Variants in CRB1 observed in about 807,000 individuals in gnomAD.
CRB1 encodes the protein crumbs cell polarity complex component 1, also known as protein crumbs homolog 1.
Under a neutral mutation model 120.0 loss-of-function variants are expected in CRB1, and 83 were observed. That is an observed-to-expected ratio of 0.69 (90% CI 0.58 to 0.83). The LOEUF (loss-of-function observed/expected upper bound fraction) is 0.83, where lower values mean the gene tolerates loss of function less well. CRB1 is among the 40% of genes least tolerant of loss of function. The probability of loss-of-function intolerance (pLI) is 0.00; values close to 1 mark genes in which losing one functional copy is unlikely to be tolerated. For synonymous variants in CRB1, 625 were observed against 612.5 expected (o/e 1.02, Z -0.30); for missense variants, 1,699 against 1,687.6 (o/e 1.01, Z -0.12).
the CRB1 span, among the ~76,000 whole-genome samples, chr1:197,246,633 G>A: frequency 1.2e-4 from 18 of 151,754 alleles, no homozygotes; most frequent in Admixed American, 6.6e-5. Flanking sequence ...GGAAGAAGTC[G>A]CAAGAATTAT....
chr1:197,374,018 C>T (rs1661511622), intron 5 of CRB1, among the ~76,000 whole-genome samples: 1 of 152,134 alleles, frequency 6.6e-6, no homozygotes, highest in South Asian at 2.1e-4. Context: ...GGAAAATGCT[C>T]CTTGTAATGT....
At chr1:197,234,146 T>C in the CRB1 span, among the ~76,000 whole-genome samples, 1 of 152,196 alleles carries the variant, frequency 6.6e-6, no homozygotes, top group Admixed American at 6.5e-5. Context: ...TTATTACTTG[T>C]TGTAGTGGTT....
intron 5 of CRB1, among the ~76,000 whole-genome samples, chr1:197,405,850 C>G (rs1053308518): frequency 4.6e-5 from 7 of 151,714 alleles, no homozygotes; most frequent in Non-Finnish European, 8.8e-5. Flanking sequence ...GCAGCCACCC[C>G]GTCTGGGAAG....
In CRB1 at chr1:197,404,444, A is replaced by C. The variant is rs1663236094; in HGVS notation, c.1172-16556A>C. ...GCGACAGAGCGAGACTCCGTCTCAA[A>C]AAAAAAAAAAAAAAAAAAAAAAAAA... On this transcript the variant is annotated intron_variant, in intron 5 of 11. Coordinates refer to ENST00000367400, the MANE Select transcript of CRB1 (RefSeq NM_201253.3). Among the ~76,000 whole-genome samples the C allele has an allele frequency of 3.9e-5, 3 of 76,002 alleles. No individual in the cohort carries two copies. In the South Asian group the frequency reaches 1.1e-3, roughly 28 times the overall value. 49.9% of individuals were successfully genotyped at this position (76,002 alleles called of 152,430 possible).
At chr1:197,475,743 C>G (rs1667168322) in intron 11 of CRB1, among the ~76,000 whole-genome samples, 1 of 152,096 alleles carries the variant, frequency 6.6e-6, no homozygotes, top group African/African-American at 2.4e-5. Flanking sequence ...CACCCTTTCC[C>G]AATTCAAACA....
At chr1:197,305,572 G>A (rs908968911) in intron 1 of CRB1, among the ~76,000 whole-genome samples, 8 of 151,490 alleles carry the variant, frequency 5.3e-5, no homozygotes, top group South Asian at 2.1e-4. Context: ...ATAATTATGC[G>A]GATGACTGCT....
At chr1:197,396,154 A>C (rs1023229137) in intron 5 of CRB1, among the ~76,000 whole-genome samples, 2 of 152,210 alleles carry the variant, frequency 1.3e-5, no homozygotes, top group African/African-American at 4.8e-5. Context: ...ACAGGATACA[A>C]AGTAAATATA....
intron 11 of CRB1, among the ~76,000 whole-genome samples, chr1:197,477,078 ATG>A (rs1667228727): frequency 6.6e-6 from 1 of 152,206 alleles, no homozygotes; most frequent in Admixed American, 6.5e-5. Flanking sequence ...CGTTAAGCAC[ATG>A]TGCCTTTACA....
chr1:197,254,304 A>G, the CRB1 span, among the ~76,000 whole-genome samples: 68 of 152,152 alleles, frequency 4.5e-4, 1 homozygote, highest in Admixed American at 4.1e-3. Context: ...GTCCTGAGTG[A>G]TACACAGAAT....
At chr1:197,430,339 TC>T (rs1451304769) in intron 8 of CRB1, among the ~76,000 whole-genome samples, 1 of 152,134 alleles carries the variant, frequency 6.6e-6, no homozygotes, top group Admixed American at 6.6e-5. Flanking sequence ...TCTAATTTCT[TC>T]CCCTTATTCA....
the CRB1 span, among the ~76,000 whole-genome samples, chr1:197,216,833 TTTACTC>T: frequency 7.2e-5 from 11 of 152,106 alleles, no homozygotes; most frequent in African/African-American, 2.7e-4. Context: ...GTGAGAAACA[TTTACTC>T]TATGATCTTC....
chr1:197,321,717 T>C (rs563552650), intron 1 of CRB1, among the ~76,000 whole-genome samples: 1 of 152,298 alleles, frequency 6.6e-6, no homozygotes, highest in South Asian at 2.1e-4. Flanking sequence ...TGAAGAACAC[T>C]TTAGGTTGCA....
chr1:197,362,962 C>G (rs956787235), intron 5 of CRB1, among the ~76,000 whole-genome samples: 1 of 151,936 alleles, frequency 6.6e-6, no homozygotes, highest in Non-Finnish European at 1.5e-5. Context: ...TCTTTACTTC[C>G]TATGAATTAG....
intron 7 of CRB1, among the ~76,000 whole-genome samples, chr1:197,428,289 T>C (rs1664701078): frequency 6.6e-6 from 1 of 152,224 alleles, no homozygotes; most frequent in Non-Finnish European, 1.5e-5. Context: ...GGTATAATAA[T>C]ATTTCAATTC....
intron 1 of CRB1, among the ~76,000 whole-genome samples, chr1:197,299,878 G>A (rs1022582972): frequency 1.3e-5 from 2 of 151,070 alleles, no homozygotes; most frequent in Non-Finnish European, 2.9e-5. Context: ...TCAAGCAATA[G>A]CATGTGCTCA....
At chr1:197,362,623 A>T (rs756770952) in intron 5 of CRB1, among the ~76,000 whole-genome samples, 8 of 151,598 alleles carry the variant, frequency 5.3e-5, no homozygotes, top group Non-Finnish European at 8.8e-5. Context: ...TTAGGCAATG[A>T]TTTTTTTTCT....
chr1:197,212,011 A>G, the CRB1 span, among the ~76,000 whole-genome samples: 298 of 152,314 alleles, frequency 2.0e-3, 1 homozygote, highest in Non-Finnish European at 2.5e-3. Context: ...AGATGAGCAC[A>G]GGGAAAGATC....
chr1:197,422,849 C>G (rs1190781714), intron 6 of CRB1: 1 of 152,128 alleles, frequency 6.6e-6, no homozygotes, highest in Non-Finnish European at 1.5e-5. Context: ...GGTAAGTAGT[C>G]TTCTCTGCTT....
At chr1:197,406,905 T>G in intron 5 of CRB1, among the ~76,000 whole-genome samples, 1 of 152,212 alleles carries the variant, frequency 6.6e-6, no homozygotes, top group East Asian at 1.9e-4. Flanking sequence ...GCAAAGGTGC[T>G]TACTCCCATT....
Sources: allele counts gnomAD v4.1 joint callset (sites outside exome capture counted in the v4.1 genomes callset), GRCh38; gene constraint gnomAD v4.1.1; transcripts MANE v1.5; gene names NCBI Gene and HGNC (gene_info 2026-07-23, HGNC 2026-07-21).